USH2A: variants seen among roughly 807,000 people sequenced by gnomAD.
USH2A encodes the protein usherin, also known as Usher syndrome 2A (autosomal recessive, mild).
USH2A carries 443 observed loss-of-function variants against 538.9 expected under a neutral mutation model. The observed-to-expected ratio is 0.82, with a 90% confidence interval of 0.76 to 0.89. The LOEUF (loss-of-function observed/expected upper bound fraction) is 0.89, where lower values mean the gene tolerates loss of function less well. Ranked by LOEUF, USH2A falls within the 40% of genes least tolerant of loss-of-function variation. The pLI is 0.00. For missense variants in USH2A, 6,633 were observed against 6,324.8 expected, an observed-to-expected ratio of 1.05 and a Z score of -1.65; for synonymous variants, 2,413 against 2,273.5, an observed-to-expected ratio of 1.06 and a Z score of -1.75.
Position 215,875,531 on chromosome 1 carries a change from A to G in USH2A, c.8681+2227T>C, listed in dbSNP as rs180983112. On this transcript the variant is annotated intron_variant, in intron 43 of 71. Coordinates refer to ENST00000307340, the MANE Select transcript of USH2A (RefSeq NM_206933.4). ...TCACTTTATTTTTTCCTGAAATCTT[A>G]GATTTGAACTTCTCATTAAGAATCC... Among the ~76,000 whole-genome samples, 10 of 152,274 alleles carry G rather than the reference A, an allele frequency of 6.6e-5. 1 individual carries two copies. The highest frequency in any genetic ancestry group is 2.2e-4 in the African/African-American group (9 of 41,558).
At chr1:216,386,568 C>A (rs2039012474) in intron 3 of USH2A, among the ~76,000 whole-genome samples, 1 of 142,108 alleles carries the variant, frequency 7.0e-6, no homozygotes, top group Non-Finnish European at 1.5e-5. Flanking sequence ...TATATATATG[C>A]TGGGTGTGGT....
Position 215,993,166 on chromosome 1 carries a change from G to A in USH2A, c.6659C>T (p.Ala2220Val). 6.2e-7 allele frequency: 1 copy of A among 1,613,978 alleles called. No homozygotes were observed. The highest frequency in any genetic ancestry group is 1.1e-5 in the South Asian group (1 of 91,076). Residue 2220 changes from alanine to valine, a missense_variant and splice_region_variant, in exon 35 of 72, where the codon GCT (alanine) becomes GTT (valine). Physicochemically the swap from Ala to Val is moderately conservative, Grantham distance 64. Coordinates refer to ENST00000307340, the MANE Select transcript of USH2A (RefSeq NM_206933.4). ...CACTGTGCACCCACCACCTGTGCAA[G>A]CCTAAACAGAGATGCAAAAATGCTC... is the stretch of plus-strand genomic sequence containing the variant. ...PGNKYLIKLG[A>V]CTGGGCTVSE...
At chr1:216,332,663 G>A (rs1558041873) in intron 4 of USH2A, among the ~76,000 whole-genome samples, 1 of 152,102 alleles carries the variant, frequency 6.6e-6, no homozygotes, top group Non-Finnish European at 1.5e-5. Flanking sequence ...CCAGAGACTG[G>A]AAAATGTATT....
intron 9 of USH2A, among the ~76,000 whole-genome samples, chr1:216,298,684 T>G (rs758711611): frequency 6.6e-6 from 1 of 152,172 alleles, no homozygotes. Context: ...AAATTATTAT[T>G]TTTTAGATTA....
At chr1:216,193,894 G>C (rs547375597) in intron 19 of USH2A, among the ~76,000 whole-genome samples, 1 of 152,200 alleles carries the variant, frequency 6.6e-6, no homozygotes, top group African/African-American at 2.4e-5. Context: ...AGGGTACAAA[G>C]GTCTGACTTC....
intron 42 of USH2A, 145 bp from the exon 43 acceptor site, chr1:215,878,025 T>C: frequency 8.5e-7 from 1 of 1,181,030 alleles, no homozygotes. Context: ...TACGTGGTTT[T>C]GTTTCAGATG....
chr1:215,769,473 C>A (rs1661219911), intron 55 of USH2A, among the ~76,000 whole-genome samples: 2 of 152,146 alleles, frequency 1.3e-5, no homozygotes, highest in Admixed American at 1.3e-4. Flanking sequence ...CTTGACAAAG[C>A]CTTTCTGCTG....
At chr1:215,639,385 CTAATTT>C (rs975720201) in intron 68 of USH2A, 147 bp from the exon 69 acceptor site, 8 of 765,458 alleles carry the variant, frequency 1.0e-5, no homozygotes, top group African/African-American at 3.5e-5. Flanking sequence ...AAAATTACTT[CTAATTT>C]TAAAATGTTT....
Position 216,228,977 on chromosome 1 carries a change from G to A in USH2A, c.2993+2976C>T, listed in dbSNP as rs147261388. ...TCACGAGTTCAGGAGTCTAAGACCA[G>A]CCTGACCAACATGGTGAAACCCTGT... On this transcript the variant is annotated intron_variant, in intron 14 of 71. Coordinates refer to ENST00000307340, the MANE Select transcript of USH2A (RefSeq NM_206933.4). Among the ~76,000 whole-genome samples, 621 of 152,182 alleles carry A rather than the reference G, an allele frequency of 4.1e-3. 1 individual carries two copies. The highest frequency in any genetic ancestry group is 0.014 in the African/African-American group (595 of 41,528).
In USH2A at chr1:215,741,483, A is replaced by T; in HGVS notation, c.11603T>A (p.Met3868Lys). The part of the protein sequence containing the change: ...MFVKTPEAAP[M>K]DLNSPVLKAL... ...CTTAAGAACAGGAGAATTAAGATCC[A>T]TTGGGGCTGCTTCAGGTGTTTTGAC... Residue 3868 changes from methionine to lysine, a missense_variant, in exon 60 of 72, where the codon ATG (methionine) becomes AAG (lysine). By Grantham distance (95) the Met-to-Lys change is moderately conservative. Coordinates refer to ENST00000307340, the MANE Select transcript of USH2A (RefSeq NM_206933.4). 6.2e-7 allele frequency: 1 copy of T among 1,614,036 alleles called. No individual in the cohort carries two copies. Among genetic ancestry groups the T allele is most frequent in the Non-Finnish European group, 8.5e-7 (1 of 1,180,000 alleles).
chr1:215,758,317 G>T (rs923714760), intron 58 of USH2A, among the ~76,000 whole-genome samples: 2 of 151,104 alleles, frequency 1.3e-5, no homozygotes, highest in African/African-American at 4.9e-5. Context: ...TGAGTAAAAA[G>T]ATTTTTAGTC....
intron 58 of USH2A, among the ~76,000 whole-genome samples, chr1:215,748,457 T>G (rs1454916663): frequency 6.6e-6 from 1 of 152,242 alleles, no homozygotes; most frequent in African/African-American, 2.4e-5. Flanking sequence ...TGGAATACAA[T>G]GGCAAATTTA....
At chr1:215,926,381 G>A (rs1666238585) in intron 38 of USH2A, among the ~76,000 whole-genome samples, 1 of 152,040 alleles carries the variant, frequency 6.6e-6, no homozygotes. Context: ...TAAGTTCACT[G>A]AGCAAGTTAT....
At chr1:216,135,293 T>C (rs1267054029) in intron 21 of USH2A, among the ~76,000 whole-genome samples, 1 of 151,970 alleles carries the variant, frequency 6.6e-6, no homozygotes, top group Non-Finnish European at 1.5e-5. Context: ...ATCTCACATA[T>C]TTGAAAAGAG....
chr1:216,102,582 G>A (rs2032613119), intron 21 of USH2A, among the ~76,000 whole-genome samples: 2 of 152,026 alleles, frequency 1.3e-5, no homozygotes, highest in Admixed American at 1.3e-4. Flanking sequence ...GGCGGATCAC[G>A]AGGTCAGGAG....
chr1:216,396,531 A>G (rs1344793852), intron 3 of USH2A, among the ~76,000 whole-genome samples: 2 of 152,216 alleles, frequency 1.3e-5, no homozygotes, highest in African/African-American at 2.4e-5. Context: ...TAATTAATAG[A>G]AGAATTTATC....
intron 3 of USH2A, among the ~76,000 whole-genome samples, chr1:216,366,723 A>G (rs1459970830): frequency 3.3e-5 from 5 of 152,074 alleles, no homozygotes; most frequent in Non-Finnish European, 7.4e-5. Context: ...TTTCATTTAA[A>G]CTATGTTCTT....
intron 55 of USH2A, among the ~76,000 whole-genome samples, chr1:215,774,026 C>G (rs1320255183): frequency 2.0e-5 from 3 of 152,256 alleles, no homozygotes; most frequent in East Asian, 1.9e-4. Flanking sequence ...ACAATCTCAA[C>G]AGCTGCCCAT....
chr1:215,721,327 G>A (rs539577903), intron 61 of USH2A, among the ~76,000 whole-genome samples: 1 of 152,148 alleles, frequency 6.6e-6, no homozygotes, highest in Non-Finnish European at 1.5e-5. Flanking sequence ...CACCCACCTC[G>A]GCCTCCCAAA....
Sources: gnomAD v4.1 joint callset for allele counts (sites outside exome capture counted in the v4.1 genomes callset) on GRCh38, gnomAD v4.1.1 for gene constraint, MANE v1.5 for transcripts, NCBI Gene and HGNC (gene_info 2026-07-23, HGNC 2026-07-21) for gene names.